TINF2: variants seen among roughly 807,000 people sequenced by gnomAD.
The protein encoded by TINF2 is TERF1-interacting nuclear factor 2.
Under a neutral mutation model 50.4 loss-of-function variants are expected in TINF2, and 27 were observed. The observed-to-expected ratio is 0.54, with a 90% CI of 0.40 to 0.74. The LOEUF (loss-of-function observed/expected upper bound fraction) is 0.74, where lower values mean the gene tolerates loss of function less well. TINF2 is among the 30% of genes least tolerant of loss of function. The probability of loss-of-function intolerance (pLI) is 0.00; values close to 1 mark genes in which losing one functional copy is unlikely to be tolerated. For missense variants in TINF2, 496 were observed against 551.5 expected (o/e 0.90, Z 1.01); for synonymous variants, 223 against 214.6 (o/e 1.04, Z -0.34).
At chr14:24,240,353 G>A (rs764561723) in intron 6 of TINF2, 23 bp from the exon 7 acceptor site, 1 of 1,614,042 alleles carries the variant, frequency 6.2e-7, no homozygotes, top group Admixed American at 1.7e-5. Flanking sequence ...CAAGCAAAGA[G>A]GATAGGATGA....
chr14:24,240,538 T>C lies in TINF2; in HGVS notation c.942A>G (p.Ala314=), dbSNP rs1461242657. ...ESKEEHAIYT[A]DLAMGTRAAS... is the part of the protein sequence containing the mutation. ...CTGCTCTTGTGCCCATGGCTAGGTC[T>C]GCTGTGTATATCGCATGTTCTTCCT... The change falls in exon 6 of 9, where the codon GCA becomes GCG. Residue 314 remains alanine, a synonymous_variant. Transcript: ENST00000267415. 16 of 1,614,230 alleles carry C rather than the reference T, an allele frequency of 9.9e-6. No homozygotes were observed. Among genetic ancestry groups the C allele is most frequent in the Non-Finnish European group, 1.4e-5 (16 of 1,180,046 alleles).
chr14:24,241,640 AAATAGCCACAT>A, intron 3 of TINF2, 24 bp downstream of exon 3: 1 of 1,561,170 alleles, frequency 6.4e-7, no homozygotes, highest in Non-Finnish European at 8.8e-7. Flanking sequence ...GGGTTAGAGA[AAATAGCCACAT>A]AATAGCCTTC....
chr14:24,241,883 T>G lies in TINF2; in HGVS notation c.297+7A>C. 1 of 1,614,212 alleles carries G rather than the reference T, an allele frequency of 6.2e-7. No homozygotes were observed. The highest frequency in any genetic ancestry group is 8.5e-7 in the Non-Finnish European group (1 of 1,180,016). On this transcript the variant is annotated splice_region_variant and intron_variant, in intron 2 of 8. Transcript: ENST00000267415. Reference sequence around the variant, plus strand: ...TGGGGTCAGGGCTTGTTCCGGGGATTACTCACAGCCTTGGGATCCCGCACT... The same window carrying G: ...TGGGGTCAGGGCTTGTTCCGGGGATGACTCACAGCCTTGGGATCCCGCACT...
rs761173366 is a variant in TINF2 at position 24,240,156 on chromosome 14, CTG to C, written c.1130-3_1130-2del. 1.2e-5 allele frequency: 19 copies of C among 1,613,932 alleles called. No homozygotes were observed. Among genetic ancestry groups the C allele is most frequent in the Non-Finnish European group, 1.6e-5 (19 of 1,180,026 alleles). On this transcript the variant is annotated splice_acceptor_variant and splice_polypyrimidine_tract_variant and intron_variant, in intron 7 of 8. Coordinates refer to ENST00000267415, the MANE Select transcript of TINF2 (RefSeq NM_001099274.3). LOFTEE classifies it high-confidence loss of function. ...GAGCTGCACAGAGACGGAGGACACA[CTG>C]TAGGAGGGAAACCAGAATCAAACTA...
In TINF2 at chr14:24,241,275, C is replaced by T. The variant is rs1214165125; in HGVS notation, c.436G>A (p.Ala146Thr). ...TACTCAAAAAGCAGCTTTTCCATGG[C>T]AGCCAGAAAGGGTTCCCCATACTCT... ...EQEYGEPFLA[A>T]MEKLLFEYLC... The change falls in exon 4 of 9, where the codon GCC becomes ACC. Residue 146 changes from alanine (A) to threonine (T), a missense_variant. Physicochemically the swap from Ala to Thr is moderately conservative, Grantham distance 58. Coordinates refer to ENST00000267415, the MANE Select transcript of TINF2 (RefSeq NM_001099274.3). 4.3e-6 allele frequency: 7 copies of T among 1,614,172 alleles called. No homozygotes were observed. The highest frequency in any genetic ancestry group is 5.9e-6 in the Non-Finnish European group (7 of 1,180,034).
In TINF2 at chr14:24,241,790, A is replaced by G. The variant is rs1308114144; in HGVS notation, c.298-14T>C. 3.1e-6 allele frequency: 5 copies of G among 1,613,754 alleles called. No individual in the cohort carries two copies. The South Asian group carries it at 5.5e-5, about 18-fold the overall frequency. Reference sequence around the variant, plus strand: ...ATCCTGCTTTGTCTGTTGAGGATACAGAAGACAGAGAAGTTAGCACCAACA... The same window carrying G: ...ATCCTGCTTTGTCTGTTGAGGATACGGAAGACAGAGAAGTTAGCACCAACA... On this transcript the variant is annotated splice_polypyrimidine_tract_variant and intron_variant, in intron 2 of 8. Coordinates refer to ENST00000267415, the MANE Select transcript of TINF2 (RefSeq NM_001099274.3).
chr14:24,241,077 T>C lies in TINF2; in HGVS notation c.547A>G (p.Ile183Val), dbSNP rs938609936. Residue 183 changes from isoleucine (I) to valine (V), a missense_variant, in exon 5 of 9, where the codon ATC becomes GTC. Physicochemically the swap from Ile to Val is conservative, Grantham distance 29. Transcript: ENST00000267415. ...VLSWMQPGVS[I>V]TSSLAWRQYG... ...TGTCTCCAGGCAAGAGAAGAGGTGA[T>C]AGAGACTCCAGGCTGCATCCAACTC... 7 of 1,614,056 alleles carry C rather than the reference T, an allele frequency of 4.3e-6. No individual in the cohort carries two copies. Among genetic ancestry groups the C allele is most frequent in the Non-Finnish European group, 5.9e-6 (7 of 1,180,012 alleles).
chr14:24,241,643 T>G (rs200396792), intron 3 of TINF2, 32 bp downstream of exon 3: 108 of 1,525,362 alleles, frequency 7.1e-5, no homozygotes, highest in Non-Finnish European at 4.7e-5. Context: ...TTAGAGAAAA[T>G]AGCCACATAA....
chr14:24,241,814 C>T (rs1205639811), intron 2 of TINF2, 38 bp from the exon 3 acceptor site: 1 of 1,613,272 alleles, frequency 6.2e-7, no homozygotes, highest in East Asian at 2.2e-5. Flanking sequence ...TTAGCACCAA[C>T]ATCCAGTAGA....
Position 24,240,275 on chromosome 14 carries a change from C to T in TINF2, c.1117G>A (p.Ala373Thr). Residue 373 changes from alanine to threonine, a missense_variant, in exon 7 of 9, where the codon GCC becomes ACC. By Grantham distance (58) the Ala-to-Thr change is moderately conservative (BLOSUM62 0). Around this residue, in one of 3 missense-constraint regions of TINF2, gnomAD observed 179 missense variants for 188.3 expected, o/e 0.95. Transcript: ENST00000267415. ...TCAGACTACCTACCTGGCTTCCTGG[C>T]CCTAGGAGGTAATAATGATAGTCTC... The part of the protein sequence containing the change: ...PLRLSLLPPR[A>T]RKPVCPPSLC... 6.2e-7 allele frequency: 1 copy of T among 1,613,898 alleles called. No individual in the cohort carries two copies. Among genetic ancestry groups the T allele is most frequent in the East Asian group, 2.2e-5 (1 of 44,878 alleles).
chr14:24,241,615 A>G (rs1471939156), intron 3 of TINF2, 60 bp downstream of exon 3: 2 of 860,592 alleles, frequency 2.3e-6, no homozygotes, highest in African/African-American at 3.1e-5. Flanking sequence ...AGATTCCTCA[A>G]AAAAAAAAAA....
At chr14:24,241,149 A>G (rs748305665) in intron 4 of TINF2, 33 bp from the exon 5 acceptor site, 7 of 1,613,954 alleles carry the variant, frequency 4.3e-6, no homozygotes, top group Non-Finnish European at 5.1e-6. Flanking sequence ...GAAGACCACA[A>G]TCCTTGAAAC....
At position 24,242,510 on chromosome 14, in the gene TINF2, A is replaced by AG. The variant is rs1260760941; in HGVS notation, c.-179dup. The AG allele has an allele frequency of 7.0e-7, 1 of 1,429,308 alleles. No homozygotes were observed. The highest frequency in any genetic ancestry group is 9.1e-7 in the Non-Finnish European group (1 of 1,097,728). 88.5% of individuals were successfully genotyped at this position (1,429,308 alleles called of 1,614,324 possible). A position where few individuals can be genotyped will look rare whatever the true frequency, so the allele number is the denominator to read the frequency against. ...CCATCGGCCCCCAGAATTCTGGGGG[A>AG]GGGGGTCTTCTGGCTCGGGCTGGAG... is the stretch of plus-strand genomic sequence containing the variant. On this transcript the variant is annotated 5_prime_UTR_variant, in exon 1 of 9. Coordinates refer to ENST00000267415, the MANE Select transcript of TINF2 (RefSeq NM_001099274.3).
Position 24,239,655 on chromosome 14 carries a change from CAA to C in TINF2, c.*140_*141del. Reference sequence around the variant, plus strand: ...CATCAAGGCAGTATTTTAACAAATCCAAAGTTTAATTATTAAGGATTACAAAT... The same window carrying C: ...CATCAAGGCAGTATTTTAACAAATCCAGTTTAATTATTAAGGATTACAAAT... On this transcript the variant is annotated 3_prime_UTR_variant, in exon 9 of 9. Transcript: ENST00000267415. The C allele has an allele frequency of 6.4e-7, 1 of 1,557,186 alleles. No homozygotes were observed. Among genetic ancestry groups the C allele is most frequent in the Non-Finnish European group, 8.7e-7 (1 of 1,155,090 alleles).
At chr14:24,241,143 A>G (rs1244872707) in intron 4 of TINF2, 27 bp from the exon 5 acceptor site, 2 of 1,613,984 alleles carry the variant, frequency 1.2e-6, no homozygotes, top group East Asian at 4.5e-5. Flanking sequence ...AGGTATGAAG[A>G]CCACAATCCT....
chr14:24,241,864 C>G, intron 2 of TINF2, 26 bp downstream of exon 2: 1 of 1,614,090 alleles, frequency 6.2e-7, no homozygotes, highest in South Asian at 1.1e-5. Context: ...TAACTGGGGT[C>G]AGGGCTTGTT....
chr14:24,239,925 G>A lies in TINF2; in HGVS notation c.1228C>T (p.Leu410=), dbSNP rs2040529931. 1 of 1,614,186 alleles carries A rather than the reference G, an allele frequency of 6.2e-7. No homozygotes were observed. The highest frequency in any genetic ancestry group is 1.3e-5 in the African/African-American group (1 of 75,048). ...ENGQGEGKES[L]ENYQKTKFDT... ...AACTTTGTCTTCTGATAGTTTTCCA[G>A]AGATTCCTGTAGAGAAGGGAGCAGG... is the stretch of plus-strand genomic sequence containing the variant. The change falls in exon 9 of 9, where the codon CTG becomes TTG. Residue 410 remains leucine (L), a synonymous_variant. Coordinates refer to ENST00000267415, the MANE Select transcript of TINF2 (RefSeq NM_001099274.3).
In TINF2 at chr14:24,242,282, C is replaced by G. The variant is rs757222975; in HGVS notation, c.51G>C (p.Ala17=). The change falls in exon 1 of 9, where the codon GCG becomes GCC. Residue 17 remains alanine (A), a synonymous_variant. Coordinates refer to ENST00000267415, the MANE Select transcript of TINF2 (RefSeq NM_001099274.3). The stretch of plus-strand genomic sequence containing the variant: ...GTCCGCGCACAACCTGCCAGCTAGC[C>G]GCGGCGGCGAAGCGTAGAGCTGCGG... ...AGPAALRFAA[A]ASWQVVRGRC... The G allele has an allele frequency of 1.9e-5, 30 of 1,613,808 alleles. No homozygotes were observed. In the Middle Eastern group the frequency reaches 1.3e-3, roughly 71 times the overall value.
chr14:24,240,340 G>C lies in TINF2; in HGVS notation c.1062-10C>G. 1 of 1,614,016 alleles carries C rather than the reference G, an allele frequency of 6.2e-7. No individual in the cohort carries two copies. The highest frequency in any genetic ancestry group is 1.1e-5 in the South Asian group (1 of 91,082). ...GCAATCCAAGCAATTCCTGAGGTGA[G>C]AGCAAGCAAAGAGGATAGGATGAAG... On this transcript the variant is annotated splice_polypyrimidine_tract_variant and intron_variant, in intron 6 of 8. Transcript: ENST00000267415.
Sources: gnomAD v4.1 joint callset for allele counts on GRCh38, gnomAD v4.1.1 for gene constraint, gnomAD v4.1.1 regional missense constraint, MANE v1.5 for transcripts, NCBI Gene and HGNC (gene_info 2026-07-23, HGNC 2026-07-21) for gene names.